Variants in QPRT observed in about 807,000 individuals in gnomAD.
QPRT encodes the protein nicotinate-nucleotide pyrophosphorylase [carboxylating].
QPRT carries 17 observed loss-of-function variants against 19.8 expected under a neutral mutation model. The ratio of observed to expected loss-of-function variants is 0.86; its 90% confidence interval spans 0.59 to 1.29. The LOEUF (loss-of-function observed/expected upper bound fraction) is 1.29, where lower values mean the gene tolerates loss of function less well. Ranked by LOEUF, QPRT falls within the 50% of genes most tolerant of loss-of-function variation. The pLI, the probability that QPRT is intolerant of heterozygous loss-of-function variation, is 0.00. For synonymous variants in QPRT, 178 were observed against 191.0 expected, an observed-to-expected ratio of 0.93 and a Z score of 0.56; for missense variants, 336 against 405.1, an observed-to-expected ratio of 0.83 and a Z score of 1.46.
chr16:29,680,026 C>T (rs1313438006), intron 1 of QPRT, among the ~76,000 whole-genome samples: 1 of 148,248 alleles, frequency 6.7e-6, no homozygotes, highest in Admixed American at 6.8e-5. Context: ...GGCGTGATCT[C>T]GGCTCACTGC....
chr16:29,682,609 A>G (rs565191696), intron 1 of QPRT, among the ~76,000 whole-genome samples: 2 of 151,230 alleles, frequency 1.3e-5, no homozygotes, highest in South Asian at 4.2e-4. Context: ...TGAACTCCTC[A>G]CCTCAGGTGA....
chr16:29,682,628 C>A (rs1967043289), intron 1 of QPRT, among the ~76,000 whole-genome samples: 1 of 152,176 alleles, frequency 6.6e-6, no homozygotes, highest in African/African-American at 2.4e-5. Context: ...GATCCACCCA[C>A]CTTGGCCTCC....
At position 29,698,270 on chromosome 16, in the gene QPRT, C is replaced by G. The variant is rs544247717; in HGVS notation, c.*859C>G. The G allele has an allele frequency of 6.6e-6, 1 of 152,446 alleles. No homozygotes were observed. Among genetic ancestry groups the G allele is most frequent in the African/African-American group, 2.4e-5 (1 of 41,420 alleles). The allele number at this position is 152,446 out of a possible 1,614,324, so 9.4% of individuals were successfully genotyped here. ...CAGTAAGAAGGAGACCACTACTACT[C>G]CTGCTGCCCTCCTCCCCCCACCTTG... On this transcript the variant is annotated 3_prime_UTR_variant, in exon 4 of 4. Coordinates refer to ENST00000395384, the MANE Select transcript of QPRT (RefSeq NM_014298.6).
At position 29,698,451 on chromosome 16, in the gene QPRT, A is replaced by C. The variant is rs1282831307; in HGVS notation, c.*1040A>C. The C allele has an allele frequency of 2.0e-5, 3 of 152,332 alleles. No homozygotes were observed. The highest frequency in any genetic ancestry group is 4.4e-5 in the Non-Finnish European group (3 of 68,020). 9.4% of individuals were successfully genotyped at this position (152,332 alleles called of 1,614,324 possible). ...AATAATAATATCAACCCCTGACCTA[A>C]ACTACTTGTGTTATCTGTAAATTCC... On this transcript the variant is annotated 3_prime_UTR_variant, in exon 4 of 4. Transcript: ENST00000395384.
intron 1 of QPRT, among the ~76,000 whole-genome samples, chr16:29,693,879 C>T (rs185403629): frequency 4.6e-5 from 7 of 152,214 alleles, no homozygotes; most frequent in Non-Finnish European, 7.4e-5. Flanking sequence ...CGTGAGCCAC[C>T]GCGCCTGGCC....
chr16:29,683,077 T>G (rs1323067796), intron 1 of QPRT, among the ~76,000 whole-genome samples: 1 of 148,838 alleles, frequency 6.7e-6, no homozygotes, highest in Admixed American at 6.9e-5. Context: ...CAGGCTGGAG[T>G]GCAGTGGCGC....
At chr16:29,683,663 A>G (rs1967079105) in intron 1 of QPRT, among the ~76,000 whole-genome samples, 1 of 152,092 alleles carries the variant, frequency 6.6e-6, no homozygotes, top group African/African-American at 2.4e-5. Flanking sequence ...CTGGCCGAGC[A>G]TTGATTCTTG....
intron 1 of QPRT, 110 bp downstream of exon 1, chr16:29,679,320 T>A: frequency 1.3e-6 from 1 of 759,196 alleles, no homozygotes; most frequent in Non-Finnish European, 2.2e-6. Flanking sequence ...GAGTCATCTC[T>A]CCTCTGGTCC....
chr16:29,688,295 G>C (rs1567329586), intron 1 of QPRT, among the ~76,000 whole-genome samples: 2 of 152,194 alleles, frequency 1.3e-5, no homozygotes, highest in South Asian at 4.1e-4. Flanking sequence ...AGCGCCTGGG[G>C]GAGAGTGGAG....
chr16:29,682,206 AT>A (rs71143749), intron 1 of QPRT, among the ~76,000 whole-genome samples: 91 of 145,460 alleles, frequency 6.3e-4, no homozygotes, highest in Middle Eastern at 3.5e-3. Flanking sequence ...ATTAAAATAA[AT>A]TTTTTTTTTT....
chr16:29,681,206 A>C (rs1353001338), intron 1 of QPRT, among the ~76,000 whole-genome samples: 2 of 152,150 alleles, frequency 1.3e-5, no homozygotes, highest in East Asian at 3.9e-4. Flanking sequence ...GCAGCAGTGG[A>C]AACCCTGGCA....
chr16:29,681,658 G>C (rs958381773), intron 1 of QPRT, among the ~76,000 whole-genome samples: 2 of 150,610 alleles, frequency 1.3e-5, no homozygotes, highest in African/African-American at 4.9e-5. Context: ...CACCATGCCC[G>C]GCTAATTTTT....
At chr16:29,679,873 T>C (rs1966940438) in intron 1 of QPRT, among the ~76,000 whole-genome samples, 1 of 151,856 alleles carries the variant, frequency 6.6e-6, no homozygotes, top group Admixed American at 6.6e-5. Flanking sequence ...GGTGGGGGTG[T>C]GCGCGTCATT....
At chr16:29,693,771 G>C (rs1335679361) in intron 1 of QPRT, among the ~76,000 whole-genome samples, 1 of 150,994 alleles carries the variant, frequency 6.6e-6, no homozygotes, top group Non-Finnish European at 1.5e-5. Context: ...ATTTTTAGTA[G>C]AGACAGGAGG....
chr16:29,693,605 T>G (rs931320709), intron 1 of QPRT, among the ~76,000 whole-genome samples: 1 of 136,192 alleles, frequency 7.3e-6, no homozygotes, highest in African/African-American at 2.8e-5. Flanking sequence ...ACTATTTTTT[T>G]AGGTGGAGTC....
chr16:29,686,465 AC>A (rs1305598558), intron 1 of QPRT, among the ~76,000 whole-genome samples: 2 of 152,110 alleles, frequency 1.3e-5, no homozygotes, highest in Non-Finnish European at 2.9e-5. Context: ...CCTGTGCTAG[AC>A]AGTGTTCCTA....
At chr16:29,696,511 G>GGT (rs1967538465) in intron 2 of QPRT, 1 of 146,148 alleles carries the variant, frequency 6.8e-6, no homozygotes, top group African/African-American at 2.6e-5. Context: ...GGCCAGGTGC[G>GGT]GTGGCTCACG....
chr16:29,696,938 G>C, intron 2 of QPRT, 58 bp from the exon 3 acceptor site: 1 of 1,513,642 alleles, frequency 6.6e-7, no homozygotes, highest in Admixed American at 2.1e-5. Context: ...GGCTCCCTGC[G>C]CCCCAGTGCC....
chr16:29,691,175 G>C (rs2142306367), intron 1 of QPRT, among the ~76,000 whole-genome samples: 2 of 151,524 alleles, frequency 1.3e-5, no homozygotes, highest in East Asian at 3.9e-4. Flanking sequence ...GAGCAGCCTG[G>C]CCAAAATGGC....
Sources: gnomAD v4.1 joint callset for allele counts (sites outside exome capture counted in the v4.1 genomes callset) on GRCh38, gnomAD v4.1.1 for gene constraint, MANE v1.5 for transcripts, NCBI Gene and HGNC (gene_info 2026-07-23, HGNC 2026-07-21) for gene names.